Variants in ABLIM2 observed in about 807,000 individuals in gnomAD.
ABLIM2 encodes the protein actin binding LIM protein family member 2.
A neutral mutation model predicts 97.7 loss-of-function variants in ABLIM2; 53 were observed. The ratio of observed to expected loss-of-function variants is 0.54; its 90% CI spans 0.44 to 0.68. ABLIM2 has a LOEUF of 0.68. Among genes scored for constraint, ABLIM2 ranks in the 30% least tolerant of loss-of-function variants. The probability of loss-of-function intolerance (pLI) is 0.00; values close to 1 mark genes in which losing one functional copy is unlikely to be tolerated. For missense variants in ABLIM2, 835 were observed against 867.2 expected, an observed-to-expected ratio of 0.96 and a Z score of 0.47; for synonymous variants, 361 against 345.8, an observed-to-expected ratio of 1.04 and a Z score of -0.49.
At chr4:8,152,007 T>G (rs947869760) in intron 1 of ABLIM2, among the ~76,000 whole-genome samples, 1 of 151,760 alleles carries the variant, frequency 6.6e-6, no homozygotes, top group East Asian at 1.9e-4. Flanking sequence ...AGGAGGCGGG[T>G]TTGGGTCTTG....
Position 8,019,803 on chromosome 4 carries a change from C to G in ABLIM2, c.1370-132G>C. On this transcript the variant is annotated intron_variant, in intron 13 of 20. Coordinates refer to ENST00000447017, the MANE Select transcript of ABLIM2 (RefSeq NM_001130083.2). The surrounding 1 kb of genome is among the most constrained non-coding windows in gnomAD (Gnocchi z 4.3). Reference sequence around the variant, plus strand: ...TAGAATCATCAGGCAGGAACTGGCACCCAGCGAGCGACAGACACCCAGGCC... The same window carrying G: ...TAGAATCATCAGGCAGGAACTGGCAGCCAGCGAGCGACAGACACCCAGGCC... 1.1e-6 allele frequency: 1 copy of G among 893,496 alleles called. No individual in the cohort carries two copies. The allele number at this position is 893,496 out of a possible 1,614,324, so 55.3% of individuals were successfully genotyped here.
At chr4:8,016,113 C>T (rs904426990) in intron 14 of ABLIM2, among the ~76,000 whole-genome samples, 7 of 137,044 alleles carry the variant, frequency 5.1e-5, no homozygotes, top group Admixed American at 3.2e-4. Flanking sequence ...GGTGCGATCT[C>T]GGCTCACTGC....
chr4:8,116,907 T>C (rs1354130157), intron 1 of ABLIM2, among the ~76,000 whole-genome samples: 1 of 152,328 alleles, frequency 6.6e-6, no homozygotes, highest in African/African-American at 2.4e-5. Context: ...GGATAGCAGT[T>C]TATAGTTTAC....
At position 7,999,598 on chromosome 4, in the gene ABLIM2, C is replaced by T. The variant is rs541283969; in HGVS notation, c.1619-6671G>A. ...GCCAGTGTGCCCTGGTGTGGGTTTG[C>T]AGGCATGTGGGGTCTAATGCATGTC... On this transcript the variant is annotated intron_variant, in intron 16 of 20. Transcript: ENST00000447017. The surrounding 1 kb of genome is among the most constrained non-coding windows in gnomAD (Gnocchi z 4.4). Among the ~76,000 whole-genome samples the T allele has an allele frequency of 2.6e-5, 4 of 152,320 alleles. No individual in the cohort carries two copies. The highest frequency in any genetic ancestry group is 2.0e-4 in the Admixed American group (3 of 15,304).
intron 20 of ABLIM2, among the ~76,000 whole-genome samples, chr4:7,982,097 G>T (rs578111386): frequency 6.6e-6 from 1 of 150,638 alleles, no homozygotes; most frequent in Non-Finnish European, 1.5e-5. Flanking sequence ...TCCCCAGCAG[G>T]AGACTGAGCC....
chr4:8,131,077 G>T (rs997525150), intron 1 of ABLIM2, among the ~76,000 whole-genome samples: 3 of 152,176 alleles, frequency 2.0e-5, no homozygotes, highest in Non-Finnish European at 4.4e-5. Flanking sequence ...TGATGGCACT[G>T]AGGGCCCACT....
rs1032989856 is a variant in ABLIM2, at chr4:8,019,926, C to A, written c.1370-255G>T. On this transcript the variant is annotated intron_variant, in intron 13 of 20. Coordinates refer to ENST00000447017, the MANE Select transcript of ABLIM2 (RefSeq NM_001130083.2). This position sits in a 1 kb window ranked among gnomAD's most constrained non-coding sequence, Gnocchi z 4.3. Reference sequence around the variant, plus strand: ...GGTCCCCCGGGAAGTGTAGCCAGCTCAGACAGCCCTTTTCCTTCACCCCAT... The same window carrying A: ...GGTCCCCCGGGAAGTGTAGCCAGCTAAGACAGCCCTTTTCCTTCACCCCAT... Among the ~76,000 whole-genome samples the A allele has an allele frequency of 6.6e-6, 1 of 152,186 alleles. No individual in the cohort carries two copies. The highest frequency in any genetic ancestry group is 1.5e-5 in the Non-Finnish European group (1 of 68,044).
intron 1 of ABLIM2, among the ~76,000 whole-genome samples, chr4:8,117,562 AC>A (rs1169702025): frequency 2.0e-5 from 3 of 149,580 alleles, no homozygotes; most frequent in African/African-American, 7.4e-5. Context: ...CAGAGGCTCC[AC>A]CCCCAGCAGA....
At chr4:8,073,483 C>A (rs1277233089) in intron 6 of ABLIM2, among the ~76,000 whole-genome samples, 1 of 151,920 alleles carries the variant, frequency 6.6e-6, no homozygotes, top group Non-Finnish European at 1.5e-5. Context: ...GCAGGCTCCT[C>A]CAGAGCCCTC....
chr4:7,977,291 A>G (rs757627661), intron 20 of ABLIM2, among the ~76,000 whole-genome samples: 1 of 152,036 alleles, frequency 6.6e-6, no homozygotes, highest in Non-Finnish European at 1.5e-5. Context: ...GAGCAAATTA[A>G]ACCTCTTCCT....
chr4:8,157,752 G>C (rs1715851760), intron 1 of ABLIM2, among the ~76,000 whole-genome samples: 1 of 152,280 alleles, frequency 6.6e-6, no homozygotes, highest in South Asian at 2.1e-4. Flanking sequence ...AAGAGCACAA[G>C]AGTCAGTGAG....
chr4:8,056,331 G>T (rs1405472149), intron 7 of ABLIM2, among the ~76,000 whole-genome samples: 6 of 146,448 alleles, frequency 4.1e-5, no homozygotes. Flanking sequence ...TTGAGACAGG[G>T]TCTCACTCTG....
At chr4:8,103,521 T>G (rs1160534130) in intron 2 of ABLIM2, among the ~76,000 whole-genome samples, 1 of 152,208 alleles carries the variant, frequency 6.6e-6, no homozygotes, top group African/African-American at 2.4e-5. Context: ...AGACTCTAAC[T>G]GGCTGTGGGT....
rs1362507573 is a variant in ABLIM2 at position 7,986,494 on chromosome 4, G to A, written c.1681-1601C>T. On this transcript the variant is annotated intron_variant, in intron 17 of 20. Transcript: ENST00000447017. This position sits in a 1 kb window ranked among gnomAD's most constrained non-coding sequence, Gnocchi z 4.3. ...TTACATTTTTGCTATTTTGTTTATC[G>A]TGAAATTTTTTACATTAATTTGGAT... is the stretch of plus-strand genomic sequence containing the variant. 6.6e-6 allele frequency among the ~76,000 whole-genome samples: 1 copy of A among 152,116 alleles called. No homozygotes were observed. The highest frequency in any genetic ancestry group is 2.4e-5 in the African/African-American group (1 of 41,418).
At chr4:8,028,964 G>GA (rs1197093589) in intron 11 of ABLIM2, among the ~76,000 whole-genome samples, 1 of 152,236 alleles carries the variant, frequency 6.6e-6, no homozygotes, top group Non-Finnish European at 1.5e-5. Context: ...AAGCAGCTTG[G>GA]AAAAATCCCT....
At chr4:8,111,109 G>A (rs565215323) in intron 1 of ABLIM2, among the ~76,000 whole-genome samples, 1 of 152,320 alleles carries the variant, frequency 6.6e-6, no homozygotes, top group South Asian at 2.1e-4. Context: ...TCCTTCAGCA[G>A]GTGAATGGAT....
At chr4:8,076,890 TGGGGGGGTCTGTG>T (rs1816463754) in intron 6 of ABLIM2, among the ~76,000 whole-genome samples, 11 of 1,716 alleles carry the variant, frequency 6.4e-3, no homozygotes, top group Admixed American at 0.011. Context: ...GGCTACAGGG[TGGGGGGGTCTGTG>T]AACCCAGAGA....
At position 7,996,377 on chromosome 4, in the gene ABLIM2, G is replaced by A. The variant is rs910361863; in HGVS notation, c.1619-3450C>T. On this transcript the variant is annotated intron_variant, in intron 16 of 20. Coordinates refer to ENST00000447017, the MANE Select transcript of ABLIM2 (RefSeq NM_001130083.2). The surrounding 1 kb of genome is among the most constrained non-coding windows in gnomAD (Gnocchi z 4.5). ...GAAGGCCTCTACCTGCCTGCCCCTG[G>A]AGTCACCTGGACAGCGTGCCAGGTT... Among the ~76,000 whole-genome samples, 10 of 152,186 alleles carry A rather than the reference G, an allele frequency of 6.6e-5. No homozygotes were observed. Among genetic ancestry groups the A allele is most frequent in the African/African-American group, 1.9e-4 (8 of 41,446 alleles).
rs1849574976 is a variant in ABLIM2, at chr4:8,132,505, T to A, written c.11-25868A>T. Among the ~76,000 whole-genome samples the A allele has an allele frequency of 6.6e-6, 1 of 152,108 alleles. No individual in the cohort carries two copies. The stretch of plus-strand genomic sequence containing the variant: ...CCCAGCCCTGGCCTTTCCTGAGCAC[T>A]GGGCCCCCAGCTCCCTCTGAGTGCT... On this transcript the variant is annotated intron_variant, in intron 1 of 20. Transcript: ENST00000447017. This position sits in a 1 kb window ranked among gnomAD's most constrained non-coding sequence, Gnocchi z 8.0.
Sources: allele counts gnomAD v4.1 joint callset (sites outside exome capture counted in the v4.1 genomes callset), GRCh38; gene constraint gnomAD v4.1.1; non-coding constraint Gnocchi (gnomAD v3.1); transcripts MANE v1.5; gene names NCBI Gene and HGNC (gene_info 2026-07-23, HGNC 2026-07-21).